SNTG2: variants seen among roughly 807,000 people sequenced by gnomAD.
The protein encoded by SNTG2 is syntrophin gamma 2.
In SNTG2, 74 loss-of-function variants were observed where a neutral mutation model predicts 70.9. That is an observed-to-expected ratio of 1.04 (90% CI 0.86 to 1.27). The LOEUF (loss-of-function observed/expected upper bound fraction) is 1.27. Among genes scored for constraint, SNTG2 ranks in the 50% most tolerant of loss-of-function variants. The pLI is 0.00. For synonymous variants in SNTG2, 278 were observed against 273.8 expected (o/e 1.02, Z -0.15); for missense variants, 717 against 690.7 (o/e 1.04, Z -0.43).
At chr2:956,552 C>T (rs1660166905) in intron 1 of SNTG2, among the ~76,000 whole-genome samples, 1 of 152,248 alleles carries the variant, frequency 6.6e-6, no homozygotes, top group Non-Finnish European at 1.5e-5. Context: ...AACCCATGCC[C>T]CTTCCTGCGG....
Position 1,204,166 on chromosome 2 carries a change from A to T in SNTG2, c.592-4937A>T, listed in dbSNP as rs563062340. On this transcript the variant is annotated intron_variant, in intron 8 of 16. Transcript: ENST00000308624. The stretch of plus-strand genomic sequence containing the variant: ...TGCAAACGGGCACAGAGGAAGTATC[A>T]TGGGGGTAGGTGTTATGTGGATGAG... 3.9e-5 allele frequency among the ~76,000 whole-genome samples: 6 copies of T among 152,324 alleles called. No homozygotes were observed. In the South Asian group the frequency reaches 1.2e-3, roughly 32 times the overall value.
chr2:1,063,304 A>G (rs1470861178), intron 1 of SNTG2, among the ~76,000 whole-genome samples: 3 of 152,214 alleles, frequency 2.0e-5, no homozygotes, highest in African/African-American at 7.2e-5. Context: ...AACTGTGAAA[A>G]GCAGCATTTA....
At chr2:1,083,403 C>T (rs1212467587) in intron 1 of SNTG2, 115 bp from the exon 2 acceptor site, 20 of 1,007,792 alleles carry the variant, frequency 2.0e-5, no homozygotes, top group South Asian at 7.4e-5. Flanking sequence ...TGTGCACACG[C>T]GAGCACTACA....
chr2:1,115,091 C>G lies in SNTG2; in HGVS notation c.325+16681C>G, dbSNP rs115531395. 8.3e-3 allele frequency among the ~76,000 whole-genome samples: 1,253 copies of G among 151,794 alleles called. 18 individuals carry two copies. Among genetic ancestry groups the G allele is most frequent in the African/African-American group, 0.029 (1,190 of 41,378 alleles). Reference sequence around the variant, plus strand: ...TGTACTAAGTGGGGTTTAACCCTTACAGTCCTTTGAGGAGGATCTTGTGTA... The same window carrying G: ...TGTACTAAGTGGGGTTTAACCCTTAGAGTCCTTTGAGGAGGATCTTGTGTA... On this transcript the variant is annotated intron_variant, in intron 4 of 16. Coordinates refer to ENST00000308624, the MANE Select transcript of SNTG2 (RefSeq NM_018968.4).
intron 14 of SNTG2, among the ~76,000 whole-genome samples, chr2:1,278,352 A>G (rs1199015602): frequency 1.3e-5 from 2 of 151,986 alleles, no homozygotes; most frequent in African/African-American, 4.8e-5. Flanking sequence ...CTAATGACGT[A>G]TGTTGTTATC....
At chr2:1,152,573 T>C (rs1217700082) in intron 6 of SNTG2, among the ~76,000 whole-genome samples, 2 of 41,730 alleles carry the variant, frequency 4.8e-5, no homozygotes, top group East Asian at 7.8e-4. Flanking sequence ...TGTGCACATG[T>C]GCATGTGTGT....
intron 4 of SNTG2, among the ~76,000 whole-genome samples, chr2:1,100,759 G>GT (rs60053550): frequency 0.013 from 1,902 of 151,762 alleles, 36 homozygotes; most frequent in African/African-American, 0.042. Context: ...TCATTAATGG[G>GT]TTTTTTTTTA....
In SNTG2 at chr2:1,238,011, T is replaced by C. The variant is rs1224467553; in HGVS notation, c.843T>C (p.Leu281=). The C allele has an allele frequency of 6.2e-7, 1 of 1,609,758 alleles. No homozygotes were observed. The highest frequency in any genetic ancestry group is 1.1e-5 in the South Asian group (1 of 89,632). Residue 281 remains leucine (L), a synonymous_variant, in exon 10 of 17, where the codon CTT becomes CTC. Coordinates refer to ENST00000308624, the MANE Select transcript of SNTG2 (RefSeq NM_018968.4). ...AVSANIRELT[L]QNMKMANKCC... ...CAGCCAACATCAGGGAGCTGACACT[T>C]CAGAACGTGAGCACACGGTGTTTCT...
chr2:1,169,842 G>C (rs1352554650), intron 7 of SNTG2, among the ~76,000 whole-genome samples: 1 of 152,168 alleles, frequency 6.6e-6, no homozygotes, highest in Non-Finnish European at 1.5e-5. Flanking sequence ...GAGGCCAGGG[G>C]TGCTGAGTCC....
intron 1 of SNTG2, 54 bp downstream of exon 1, chr2:951,122 C>A: frequency 2.4e-6 from 2 of 842,376 alleles, no homozygotes; most frequent in Non-Finnish European, 1.6e-6. Context: ...CCCTCTCCTT[C>A]GCGCCCTTCT....
At chr2:1,202,186 CT>C (rs1364686611) in intron 8 of SNTG2, among the ~76,000 whole-genome samples, 6 of 152,014 alleles carry the variant, frequency 3.9e-5, no homozygotes, top group Non-Finnish European at 8.8e-5. Flanking sequence ...TAAACTGTTT[CT>C]TTTCTCAGTT....
At chr2:1,356,947 T>C (rs10789522) in intron 16 of SNTG2, among the ~76,000 whole-genome samples, 20 of 151,308 alleles carry the variant, frequency 1.3e-4, no homozygotes, top group African/African-American at 4.6e-4. Context: ...TTTTTTTTTT[T>C]CTTAATGTCT....
intron 1 of SNTG2, among the ~76,000 whole-genome samples, chr2:982,565 G>A (rs746586256): frequency 6.6e-6 from 1 of 152,200 alleles, no homozygotes; most frequent in African/African-American, 2.4e-5. Context: ...TGTAAAATAC[G>A]AAATGTGATT....
At chr2:1,287,574 G>C (rs1679814944) in intron 14 of SNTG2, among the ~76,000 whole-genome samples, 2 of 152,230 alleles carry the variant, frequency 1.3e-5, no homozygotes, top group South Asian at 4.1e-4. Flanking sequence ...GCAGCAGGGG[G>C]CCCGGAGTGC....
chr2:1,097,788 G>T lies in SNTG2; in HGVS notation c.211-408G>T, dbSNP rs1041018896. ...CTTCAGCAGAGACGTACAGTGAAGC[G>T]TGAGCCGGTCCTGGGGTTGGTGGGT... On this transcript the variant is annotated intron_variant, in intron 2 of 16. Transcript: ENST00000308624. This position sits in a 1 kb window ranked among gnomAD's most constrained non-coding sequence, Gnocchi z 4.1. Among the ~76,000 whole-genome samples the T allele has an allele frequency of 6.6e-6, 1 of 151,958 alleles. No individual in the cohort carries two copies. The highest frequency in any genetic ancestry group is 6.5e-5 in the Admixed American group (1 of 15,272).
At chr2:1,221,499 GTCTCTC>G (rs1024445414) in intron 9 of SNTG2, among the ~76,000 whole-genome samples, 1 of 8,276 alleles carries the variant, frequency 1.2e-4, no homozygotes, top group Non-Finnish European at 2.2e-4. Context: ...GTCTCTCTCT[GTCTCTC>G]TCTCTCTCTC....
intron 4 of SNTG2, among the ~76,000 whole-genome samples, chr2:1,136,678 A>T (rs1486789570): frequency 6.6e-6 from 1 of 152,236 alleles, no homozygotes; most frequent in African/African-American, 2.4e-5. Flanking sequence ...ACAAAGATTT[A>T]AAATTGAAAC....
chr2:1,161,582 T>C (rs1395916930), intron 6 of SNTG2: 2 of 152,208 alleles, frequency 1.3e-5, no homozygotes, highest in East Asian at 3.8e-4. Context: ...TTGAATTCAG[T>C]AGCATCAATG....
At chr2:1,114,543 A>G (rs1486881772) in intron 4 of SNTG2, among the ~76,000 whole-genome samples, 1 of 144,822 alleles carries the variant, frequency 6.9e-6, no homozygotes, top group Non-Finnish European at 1.5e-5. Context: ...GTCCTTTGAG[A>G]AGGATCTTCT....
Sources: gnomAD v4.1 joint callset for allele counts (sites outside exome capture counted in the v4.1 genomes callset) on GRCh38, gnomAD v4.1.1 for gene constraint, Gnocchi (gnomAD v3.1) non-coding constraint, MANE v1.5 for transcripts, NCBI Gene and HGNC (gene_info 2026-07-23, HGNC 2026-07-21) for gene names.